The following STOX2 variants were observed in gnomAD, a reference collection of about 807,000 sequenced individuals.
STOX2 encodes the protein storkhead-box protein 2.
STOX2 carries 28 observed loss-of-function variants against 60.9 expected under a neutral mutation model. The ratio of observed to expected loss-of-function variants is 0.46; its 90% confidence interval spans 0.34 to 0.63. The LOEUF (loss-of-function observed/expected upper bound fraction) is 0.63. Among genes scored for constraint, STOX2 ranks in the 30% least tolerant of loss-of-function variants. The probability of loss-of-function intolerance (pLI) is 0.01; values close to 1 mark genes in which losing one functional copy is unlikely to be tolerated. For missense variants in STOX2, 1,024 were observed against 1,187.7 expected, an observed-to-expected ratio of 0.86 and a Z score of 2.03; for synonymous variants, 472 against 463.9, an observed-to-expected ratio of 1.02 and a Z score of -0.22.
intron 1 of STOX2, among the ~76,000 whole-genome samples, chr4:183,879,049 C>A (rs755826461): frequency 6.6e-6 from 1 of 152,026 alleles, no homozygotes; most frequent in Non-Finnish European, 1.5e-5. Flanking sequence ...ATTTCATGTG[C>A]CCACAGCCTG....
At chr4:183,826,763 A>G (rs1739444511) in intron 1 of STOX2, among the ~76,000 whole-genome samples, 2 of 152,128 alleles carry the variant, frequency 1.3e-5, no homozygotes, top group Non-Finnish European at 2.9e-5. Flanking sequence ...GACAAATGCT[A>G]TTTCTCTTTC....
intron 1 of STOX2, among the ~76,000 whole-genome samples, chr4:183,989,433 C>G (rs148642910): frequency 9.2e-5 from 14 of 152,086 alleles, no homozygotes; most frequent in Non-Finnish European, 1.5e-4. Flanking sequence ...AACTTCTGAC[C>G]TCTGTTGACC....
chr4:183,892,723 A>G (rs1369445), intron 1 of STOX2, among the ~76,000 whole-genome samples: 99,636 of 152,002 alleles, frequency 0.66, 33,770 homozygotes, highest in East Asian at 0.84. Flanking sequence ...TCTTCTCATA[A>G]TCGATACATA....
rs372087107 is a variant in STOX2 at position 183,951,059 on chromosome 4, C to CA, written c.166+44110dup. On this transcript the variant is annotated intron_variant, in intron 1 of 3. Transcript: ENST00000308497. ...TGAAACCCCGTCTCTACTAAAAATA[C>CA]AAAAAAATTAGCCGGGCGTGGTGGC... Among the ~76,000 whole-genome samples the CA allele has an allele frequency of 1.1e-3, 160 of 151,454 alleles. 2 individuals carry two copies. The highest frequency in any genetic ancestry group is 3.2e-3 in the African/African-American group (131 of 41,294).
intron 1 of STOX2, among the ~76,000 whole-genome samples, chr4:183,850,920 G>GGATGAGGGAAAGGATGAGGGAAAC (rs1740106781): frequency 8.0e-6 from 1 of 125,398 alleles, no homozygotes. Context: ...ATGAGGGAAA[G>GGATGAGGGAAAGGATGAGGGAAAC]GATGAGGGAA....
At chr4:183,851,864 A>G (rs143491705) in intron 1 of STOX2, among the ~76,000 whole-genome samples, 6,353 of 19,362 alleles carry the variant, frequency 0.33, 786 homozygotes, top group Non-Finnish European at 0.35. Context: ...AAAGGATGAG[A>G]GAAAGGATGA....
intron 1 of STOX2, among the ~76,000 whole-genome samples, chr4:183,860,818 C>T (rs1468724016): frequency 1.3e-5 from 2 of 152,168 alleles, no homozygotes; most frequent in Non-Finnish European, 2.9e-5. Flanking sequence ...GGGGGAATCT[C>T]TCAGACACAC....
chr4:183,864,808 C>T (rs1354574769), intron 1 of STOX2, among the ~76,000 whole-genome samples: 1 of 152,158 alleles, frequency 6.6e-6, no homozygotes, highest in Non-Finnish European at 1.5e-5. Flanking sequence ...TTTCCTCAAC[C>T]ACTCCTCTAG....
intron 1 of STOX2, among the ~76,000 whole-genome samples, chr4:183,931,411 A>G (rs113525833): frequency 6.6e-6 from 1 of 152,048 alleles, no homozygotes; most frequent in African/African-American, 2.4e-5. Context: ...GCGACAGAGT[A>G]AGACTTCTTC....
At chr4:183,912,669 G>A (rs1028839687) in intron 1 of STOX2, among the ~76,000 whole-genome samples, 2 of 152,156 alleles carry the variant, frequency 1.3e-5, no homozygotes, top group Non-Finnish European at 2.9e-5. Flanking sequence ...CACATCACGA[G>A]TTTACAACCC....
intron 1 of STOX2, among the ~76,000 whole-genome samples, chr4:183,913,400 C>T (rs961843254): frequency 4.0e-5 from 6 of 151,892 alleles, no homozygotes; most frequent in Non-Finnish European, 5.9e-5. Context: ...ATGTTGTGAA[C>T]GTCTAGAGGC....
At chr4:183,861,339 C>G (rs1365067971) in intron 1 of STOX2, among the ~76,000 whole-genome samples, 8 of 152,102 alleles carry the variant, frequency 5.3e-5, no homozygotes, top group Admixed American at 3.3e-4. Flanking sequence ...GCAGTGGGGC[C>G]CCTGTCTTTG....
intron 2 of STOX2, among the ~76,000 whole-genome samples, chr4:184,006,386 C>A (rs28609985): frequency 2.0e-5 from 3 of 151,930 alleles, no homozygotes; most frequent in Non-Finnish European, 4.4e-5. Context: ...CCTGAGACTG[C>A]GGTGCAGAGG....
At chr4:183,862,414 T>A (rs890339657) in intron 1 of STOX2, among the ~76,000 whole-genome samples, 2 of 152,206 alleles carry the variant, frequency 1.3e-5, no homozygotes, top group African/African-American at 4.8e-5. Flanking sequence ...TACCTCGGCC[T>A]CCCAAAGTGC....
chr4:183,961,609 A>G (rs1430196313), intron 1 of STOX2, among the ~76,000 whole-genome samples: 1 of 152,172 alleles, frequency 6.6e-6, no homozygotes, highest in Admixed American at 6.5e-5. Context: ...AGTACCCCTA[A>G]ATCTTATTGT....
chr4:183,951,171 C>A (rs183867303), intron 1 of STOX2, among the ~76,000 whole-genome samples: 1 of 149,006 alleles, frequency 6.7e-6, no homozygotes, highest in Non-Finnish European at 1.5e-5. Context: ...GCCGAGATCG[C>A]GCCACTGCAC....
At chr4:183,867,555 G>A (rs1325642404) in intron 1 of STOX2, among the ~76,000 whole-genome samples, 1 of 152,228 alleles carries the variant, frequency 6.6e-6, no homozygotes, top group East Asian at 1.9e-4. Context: ...ACTCGGAGCA[G>A]TGGCCCACCC....
intron 1 of STOX2, among the ~76,000 whole-genome samples, chr4:183,869,803 C>T (rs572186419): frequency 6.6e-6 from 1 of 152,312 alleles, no homozygotes; most frequent in South Asian, 2.1e-4. Flanking sequence ...TTCCCATATA[C>T]TTGGAAACAT....
rs1488583764 is a variant in STOX2, at chr4:184,010,043, C to T, written c.1205C>T (p.Pro402Leu). The T allele has an allele frequency of 1.2e-6, 2 of 1,613,690 alleles. No individual in the cohort carries two copies. Among genetic ancestry groups the T allele is most frequent in the East Asian group, 2.2e-5 (1 of 44,896 alleles). Residue 402 changes from proline (P) to leucine (L), a missense_variant, in exon 3 of 4, where the codon CCT (proline) becomes CTT (leucine). Coordinates refer to ENST00000308497, the MANE Select transcript of STOX2 (RefSeq NM_020225.3). This position sits in a 1 kb window ranked among gnomAD's most constrained non-coding sequence, Gnocchi z 4.5. ...GAAAGAGAGTATGACTTTTGTGATC[C>T]TCTTACCAGGGTGCCCAGGGAGGGC... Reference protein sequence around the residue: ...PAEREYDFCDPLTRVPREGCF... With the variant: ...PAEREYDFCDLLTRVPREGCF...
Sources: gnomAD v4.1 joint callset for allele counts (sites outside exome capture counted in the v4.1 genomes callset) on GRCh38, gnomAD v4.1.1 for gene constraint, Gnocchi (gnomAD v3.1) non-coding constraint, MANE v1.5 for transcripts, NCBI Gene and HGNC (gene_info 2026-07-23, HGNC 2026-07-21) for gene names.